LINGO2: variants seen among roughly 807,000 people sequenced by gnomAD.
LINGO2 encodes the protein leucine-rich repeat and immunoglobulin-like domain-containing nogo receptor-interacting protein 2.
LINGO2 carries 14 observed loss-of-function variants against 30.6 expected under a neutral mutation model. The observed-to-expected ratio is 0.46, with a 90% confidence interval of 0.30 to 0.72. The LOEUF (loss-of-function observed/expected upper bound fraction) is 0.72. Among genes scored for constraint, LINGO2 ranks in the 30% least tolerant of loss-of-function variants. LINGO2 has a pLI of 0.07. For synonymous variants in LINGO2, 317 were observed against 288.5 expected (o/e 1.10, Z -1.00); for missense variants, 729 against 751.7 (o/e 0.97, Z 0.35).
chr9:28,467,510 T>A (rs1277650996), intron 2 of LINGO2, among the ~76,000 whole-genome samples: 4 of 152,234 alleles, frequency 2.6e-5, no homozygotes, highest in Non-Finnish European at 5.9e-5. Context: ...ATCATATATC[T>A]AAAATGAACC....
At chr9:28,021,003 CTT>C (rs150201783) in intron 4 of LINGO2, among the ~76,000 whole-genome samples, 1 of 150,474 alleles carries the variant, frequency 6.6e-6, no homozygotes, top group African/African-American at 2.5e-5. Flanking sequence ...GGTTTCATTT[CTT>C]TTCTTTGTTT....
chr9:28,835,240 C>T, the LINGO2 span, among the ~76,000 whole-genome samples: 70 of 152,194 alleles, frequency 4.6e-4, no homozygotes, highest in African/African-American at 1.7e-3. Context: ...ATATCTGACC[C>T]AAAGCAAGAG....
At chr9:28,314,320 G>A (rs112813440) in intron 3 of LINGO2, among the ~76,000 whole-genome samples, 232 of 152,076 alleles carry the variant, frequency 1.5e-3, no homozygotes, top group South Asian at 0.011. Flanking sequence ...CCTTAGTTAG[G>A]GTAAACAAAA....
downstream of LINGO2, among the ~76,000 whole-genome samples, chr9:27,947,243 G>A (rs1823400070): frequency 6.6e-6 from 1 of 152,070 alleles, no homozygotes; most frequent in Non-Finnish European, 1.5e-5. Context: ...TGAACATTTA[G>A]CCAAATGAAA....
chr9:28,416,522 T>C (rs1412236), intron 2 of LINGO2, among the ~76,000 whole-genome samples: 7,619 of 152,210 alleles, frequency 0.05, 261 homozygotes, highest in Middle Eastern at 0.14. Flanking sequence ...TTGTGAAGCA[T>C]TAATTATTTT....
At chr9:28,221,054 C>G (rs943279691) in intron 4 of LINGO2, among the ~76,000 whole-genome samples, 1 of 152,096 alleles carries the variant, frequency 6.6e-6, no homozygotes, top group Non-Finnish European at 1.5e-5. Context: ...AATCCCAGCA[C>G]TTTGGGAGGC....
chr9:28,642,466 T>C (rs996723586), intron 1 of LINGO2, among the ~76,000 whole-genome samples: 6 of 152,078 alleles, frequency 3.9e-5, no homozygotes, highest in East Asian at 1.9e-4. Context: ...ACAAAGAAAG[T>C]TGACTTTGAA....
chr9:28,484,241 A>G (rs1826083178), intron 1 of LINGO2, among the ~76,000 whole-genome samples: 1 of 152,060 alleles, frequency 6.6e-6, no homozygotes, highest in African/African-American at 2.4e-5. Context: ...TTCAATGTGG[A>G]GTATACCAGC....
the LINGO2 span, among the ~76,000 whole-genome samples, chr9:29,143,586 C>T: frequency 6.6e-6 from 1 of 152,042 alleles, no homozygotes; most frequent in Non-Finnish European, 1.5e-5. Context: ...ACAAATGTTA[C>T]TGAGAAAACT....
chr9:28,030,548 G>C (rs181137939), intron 4 of LINGO2, among the ~76,000 whole-genome samples: 12 of 152,244 alleles, frequency 7.9e-5, no homozygotes, highest in Non-Finnish European at 1.5e-4. Context: ...AAATGGCCTG[G>C]AAGTGGGAAA....
chr9:27,977,438 A>G (rs1421623589), intron 5 of LINGO2, among the ~76,000 whole-genome samples: 3 of 151,898 alleles, frequency 2.0e-5, no homozygotes, highest in Admixed American at 2.0e-4. Flanking sequence ...TCTTACCCTT[A>G]TTGCCTCAAA....
At chr9:28,698,130 A>G in the LINGO2 span, among the ~76,000 whole-genome samples, 1 of 152,054 alleles carries the variant, frequency 6.6e-6, no homozygotes, top group Non-Finnish European at 1.5e-5. Flanking sequence ...CAATGTGCAC[A>G]TATTCCTGAA....
At chr9:27,959,572 T>G (rs1819738139) in intron 5 of LINGO2, among the ~76,000 whole-genome samples, 1 of 152,178 alleles carries the variant, frequency 6.6e-6, no homozygotes, top group African/African-American at 2.4e-5. Context: ...GGTTTATTCT[T>G]AAATGTTTAG....
intron 4 of LINGO2, among the ~76,000 whole-genome samples, chr9:28,224,981 C>T (rs1405480814): frequency 6.6e-6 from 1 of 152,134 alleles, no homozygotes; most frequent in African/African-American, 2.4e-5. Context: ...GCAACCAACT[C>T]ATTTTTGACA....
chr9:28,839,818 T>G, the LINGO2 span, among the ~76,000 whole-genome samples: 1 of 152,136 alleles, frequency 6.6e-6, no homozygotes, highest in Non-Finnish European at 1.5e-5. Context: ...TACCTCTTTT[T>G]TCCCAGAAGG....
intron 1 of LINGO2, among the ~76,000 whole-genome samples, chr9:28,600,232 C>T (rs1825403617): frequency 6.6e-6 from 1 of 152,176 alleles, no homozygotes; most frequent in South Asian, 2.1e-4. Context: ...AAACACATAA[C>T]AATAATAATG....
chr9:28,321,290 G>T (rs1195835573), intron 3 of LINGO2, among the ~76,000 whole-genome samples: 2 of 152,122 alleles, frequency 1.3e-5, no homozygotes, highest in African/African-American at 4.8e-5. Context: ...TGACAAACAT[G>T]TTGTCACAAT....
At chr9:28,739,995 T>C in the LINGO2 span, among the ~76,000 whole-genome samples, 2 of 151,104 alleles carry the variant, frequency 1.3e-5, no homozygotes, top group African/African-American at 2.4e-5. Flanking sequence ...CCAGAATAAA[T>C]TATTTTACTC....
At chr9:27,995,652 A>C (rs1193182475) in intron 5 of LINGO2, among the ~76,000 whole-genome samples, 2 of 152,216 alleles carry the variant, frequency 1.3e-5, no homozygotes, top group Non-Finnish European at 2.9e-5. Context: ...ACTTGACTAA[A>C]TTTTACATCA....
Sources: allele counts gnomAD v4.1 joint callset (sites outside exome capture counted in the v4.1 genomes callset), GRCh38; gene constraint gnomAD v4.1.1; transcripts MANE v1.5; gene names NCBI Gene and HGNC (gene_info 2026-07-23, HGNC 2026-07-21).